The following TTLL5 variants were observed in gnomAD, a reference collection of about 807,000 sequenced individuals.
The protein encoded by TTLL5 is tubulin tyrosine ligase like 5.
A neutral mutation model predicts 168.4 loss-of-function variants in TTLL5; 132 were observed. The observed-to-expected ratio is 0.78, with a 90% confidence interval of 0.68 to 0.91. TTLL5 has a LOEUF of 0.91. Among genes scored for constraint, TTLL5 ranks in the 40% least tolerant of loss-of-function variants. The pLI is 0.00. For synonymous variants in TTLL5, 546 were observed against 558.6 expected (o/e 0.98, Z 0.32); for missense variants, 1,545 against 1,581.5 (o/e 0.98, Z 0.39).
chr14:75,741,523 T>C (rs1889267574), intron 15 of TTLL5, among the ~76,000 whole-genome samples: 1 of 151,572 alleles, frequency 6.6e-6, no homozygotes, highest in East Asian at 1.9e-4. Context: ...ATCAGTCTGA[T>C]TCCTTTTTTT....
chr14:75,820,516 A>G (rs548710902), intron 28 of TTLL5: 28 of 169,012 alleles, frequency 1.7e-4, no homozygotes, highest in Admixed American at 3.2e-4. Context: ...TGTGTTGTTT[A>G]TAGTTTTTTT....
chr14:75,683,732 G>A, intron 5 of TTLL5, 76 bp downstream of exon 5: 1 of 1,172,642 alleles, frequency 8.5e-7, no homozygotes. Flanking sequence ...AAGGTAATTA[G>A]TGTCCTTAAA....
chr14:75,851,619 G>A (rs1896859086), intron 28 of TTLL5, among the ~76,000 whole-genome samples: 1 of 152,180 alleles, frequency 6.6e-6, no homozygotes. Context: ...TTGGCGTGGA[G>A]CAGCAGGCTT....
intron 20 of TTLL5, among the ~76,000 whole-genome samples, chr14:75,771,142 G>GTCAA: frequency 6.6e-6 from 1 of 152,274 alleles, no homozygotes; most frequent in South Asian, 2.1e-4. Flanking sequence ...TTCAAAGAGG[G>GTCAA]TCAAGCACAG....
intron 29 of TTLL5, among the ~76,000 whole-genome samples, chr14:75,869,026 G>GTGTGTT (rs2030785285): frequency 2.6e-5 from 3 of 117,002 alleles, no homozygotes; most frequent in African/African-American, 1.0e-4. Context: ...GTGTGTGTGT[G>GTGTGTT]TGTGTGTGTG....
At chr14:75,881,106 G>A (rs1033701090) in intron 29 of TTLL5, among the ~76,000 whole-genome samples, 5 of 152,170 alleles carry the variant, frequency 3.3e-5, no homozygotes, top group African/African-American at 1.2e-4. Flanking sequence ...TAAAGACAGA[G>A]TTTTGCCATG....
chr14:75,798,059 G>A (rs1440647903), intron 27 of TTLL5, among the ~76,000 whole-genome samples: 1 of 152,044 alleles, frequency 6.6e-6, no homozygotes, highest in African/African-American at 2.4e-5. Flanking sequence ...ATTCAGCTGT[G>A]AATCCATCTG....
At chr14:75,810,706 A>C (rs12890976) in intron 27 of TTLL5, among the ~76,000 whole-genome samples, 24 of 152,256 alleles carry the variant, frequency 1.6e-4, no homozygotes, top group Admixed American at 6.5e-4. Context: ...CATTTCGATA[A>C]ATAAGATGCA....
chr14:75,782,423 T>G, intron 24 of TTLL5, 64 bp from the exon 25 acceptor site: 2 of 1,269,078 alleles, frequency 1.6e-6, no homozygotes, highest in Middle Eastern at 1.9e-4. Flanking sequence ...AATAAAATTA[T>G]GTATAGAACA....
chr14:75,696,082 G>A (rs74533792), intron 6 of TTLL5, among the ~76,000 whole-genome samples: 2 of 151,772 alleles, frequency 1.3e-5, no homozygotes, highest in East Asian at 1.9e-4. Flanking sequence ...CATAGAGACA[G>A]TCTCAGTAGG....
intron 28 of TTLL5, among the ~76,000 whole-genome samples, chr14:75,850,616 T>C (rs1304825277): frequency 1.3e-5 from 2 of 151,994 alleles, no homozygotes; most frequent in Non-Finnish European, 2.9e-5. Flanking sequence ...TGTTCTAAGA[T>C]AACATGAAGT....
At position 75,793,075 on chromosome 14, in the gene TTLL5, GC is replaced by G. The variant is rs1049027369; in HGVS notation, c.3148del (p.His1050ThrfsTer9). The G allele has an allele frequency of 6.2e-7, 1 of 1,612,498 alleles. No individual in the cohort carries two copies. The highest frequency in any genetic ancestry group is 8.5e-7 in the Non-Finnish European group (1 of 1,179,034). On this transcript the variant is annotated frameshift_variant, in exon 27 of 32. Coordinates refer to ENST00000298832, the MANE Select transcript of TTLL5 (RefSeq NM_015072.5). LOFTEE classifies it high-confidence loss of function. ...KQAARQYSPS[S>X]HINLLTQQVT... Reference sequence around the variant, plus strand: ...GCAGCGAGACAGTATTCTCCATCCAGCCACATCAACCTCCTCACCCAACAGG... The same window carrying G: ...GCAGCGAGACAGTATTCTCCATCCAGCACATCAACCTCCTCACCCAACAGG...
intron 21 of TTLL5, among the ~76,000 whole-genome samples, chr14:75,773,907 CATATATATAT>C (rs34160638): frequency 1.0e-4 from 3 of 28,812 alleles, no homozygotes. Context: ...AAAAAAAATA[CATATATATAT>C]ATATATATAT....
At chr14:75,681,728 A>T (rs1884625916) in intron 4 of TTLL5, 101 bp downstream of exon 4, 1 of 949,436 alleles carries the variant, frequency 1.1e-6, no homozygotes, top group African/African-American at 1.6e-5. Flanking sequence ...CAGGAAGTAC[A>T]TGGGACCAAT....
At chr14:75,884,536 C>T (rs1286464681) in intron 30 of TTLL5, among the ~76,000 whole-genome samples, 12 of 152,140 alleles carry the variant, frequency 7.9e-5, no homozygotes, top group Non-Finnish European at 1.5e-5. Flanking sequence ...TGTGGGAAAA[C>T]CGGAAACAGC....
At chr14:75,782,691 T>TAA in intron 25 of TTLL5, 118 bp downstream of exon 25, 1 of 875,896 alleles carries the variant, frequency 1.1e-6, no homozygotes, top group Non-Finnish European at 1.7e-6. Flanking sequence ...AAGAAATATT[T>TAA]TTCTTTTTCC....
chr14:75,830,406 A>C (rs971215329), intron 28 of TTLL5, among the ~76,000 whole-genome samples: 5 of 152,220 alleles, frequency 3.3e-5, no homozygotes, highest in African/African-American at 1.2e-4. Flanking sequence ...AATGTATTAT[A>C]TACTTGAAAA....
chr14:75,910,666 C>T (rs1316556218), intron 31 of TTLL5, among the ~76,000 whole-genome samples: 4 of 152,226 alleles, frequency 2.6e-5, no homozygotes, highest in African/African-American at 4.8e-5. Flanking sequence ...ATATTTACAC[C>T]TCTGCTTACC....
chr14:75,954,343 G>A, intron 31 of TTLL5, 81 bp from the exon 32 acceptor site: 2 of 1,458,164 alleles, frequency 1.4e-6, no homozygotes, highest in Non-Finnish European at 1.9e-6. Context: ...AGTGATGTTA[G>A]ATAAACCAGA....
Sources: allele counts gnomAD v4.1 joint callset (sites outside exome capture counted in the v4.1 genomes callset), GRCh38; gene constraint gnomAD v4.1.1; transcripts MANE v1.5; gene names NCBI Gene and HGNC (gene_info 2026-07-23, HGNC 2026-07-21).